The following MGAT4B variants were observed in gnomAD, a reference collection of about 807,000 sequenced individuals.
MGAT4B encodes alpha-1,3-mannosyl-glycoprotein 4-beta-N-acetylglucosaminyltransferase B, also known as N-acetylglucosaminyltransferase IVb.
A neutral mutation model predicts 73.9 loss-of-function variants in MGAT4B; 38 were observed. That is an observed-to-expected ratio of 0.51 (90% CI 0.40 to 0.67). The LOEUF (loss-of-function observed/expected upper bound fraction) is 0.67. Among genes scored for constraint, MGAT4B ranks in the 30% least tolerant of loss-of-function variants. The pLI is 0.00. For missense variants in MGAT4B, 686 were observed against 735.2 expected (o/e 0.93, Z 0.77); for synonymous variants, 373 against 313.5 (o/e 1.19, Z -2.01).
At chr5:179,804,147 T>C (rs1757050573) in intron 1 of MGAT4B, among the ~76,000 whole-genome samples, 1 of 152,130 alleles carries the variant, frequency 6.6e-6, no homozygotes, top group Non-Finnish European at 1.5e-5. Flanking sequence ...AAACCACAGT[T>C]CCCCCTGCTT....
At chr5:179,802,563 C>A (rs1407587404) in intron 1 of MGAT4B, 6 of 995,544 alleles carry the variant, frequency 6.0e-6, no homozygotes, top group Non-Finnish European at 7.2e-6. Flanking sequence ...CAAGGACAGT[C>A]AACAGCAGCG....
At chr5:179,800,350 C>T in intron 6 of MGAT4B, 91 bp from the exon 7 acceptor site, 1 of 1,502,028 alleles carries the variant, frequency 6.7e-7, no homozygotes, top group Non-Finnish European at 9.3e-7. Context: ...GCTTCTGTCC[C>T]CCCACCCCCA....
chr5:179,802,200 C>G, intron 1 of MGAT4B: 1 of 1,481,860 alleles, frequency 6.7e-7, no homozygotes, highest in South Asian at 1.4e-5. Flanking sequence ...TCTCCCCCAC[C>G]GGGGGTTATT....
chr5:179,801,500 G>A lies in MGAT4B; in HGVS notation c.425-33C>T. 1 of 1,603,636 alleles carries A rather than the reference G, an allele frequency of 6.2e-7. No individual in the cohort carries two copies. The highest frequency in any genetic ancestry group is 8.5e-7 in the Non-Finnish European group (1 of 1,173,278). On this transcript the variant is annotated intron_variant, in intron 3 of 14. Coordinates refer to ENST00000292591, the MANE Select transcript of MGAT4B (RefSeq NM_014275.5). This position sits in a 1 kb window ranked among gnomAD's most constrained non-coding sequence, Gnocchi z 4.8. Reference sequence around the variant, plus strand: ...GGACGGAGGCCCGACGCTGGAAAGGGTGCGGGGGCCACCCGTCCCCCCACC... The same window carrying A: ...GGACGGAGGCCCGACGCTGGAAAGGATGCGGGGGCCACCCGTCCCCCCACC...
chr5:179,799,168 A>T (rs371137796), intron 10 of MGAT4B, 35 bp downstream of exon 10: 2 of 1,613,830 alleles, frequency 1.2e-6, no homozygotes, highest in African/African-American at 2.7e-5. Flanking sequence ...CCCGACCTTG[A>T]TCCCGGCCTA....
intron 1 of MGAT4B, chr5:179,802,191 C>T: frequency 6.7e-7 from 1 of 1,489,596 alleles, no homozygotes; most frequent in Non-Finnish European, 8.9e-7. Context: ...TTCCAGTACT[C>T]TCCCCCACCG....
chr5:179,802,023 G>T, intron 1 of MGAT4B, 54 bp from the exon 2 acceptor site: 1 of 1,612,676 alleles, frequency 6.2e-7, no homozygotes, highest in Non-Finnish European at 8.5e-7. Context: ...CACCCTACGG[G>T]CCCCTCCAGT....
rs543273437 is a variant in MGAT4B, at chr5:179,799,969, G to A, written c.895C>T (p.Gln299Ter). The change falls in exon 8 of 15, where the codon CAG becomes TAG. Residue 299 changes from glutamine to a stop codon, truncating the protein, a stop_gained. Coordinates refer to ENST00000292591, the MANE Select transcript of MGAT4B (RefSeq NM_014275.5). LOFTEE classifies it high-confidence loss of function. ...AGGGGCACACCAATGAAGCCCAGCT[G>A]GGAGAACTCCAGGATCATCCAGTCC... ...SEDWMILEFS[Q>*]LGFIGKMFKS... The A allele has an allele frequency of 3.1e-6, 5 of 1,613,748 alleles. No homozygotes were observed. The highest frequency in any genetic ancestry group is 1.7e-5 in the Admixed American group (1 of 60,026).
intron 1 of MGAT4B, chr5:179,803,501 G>C (rs1051933231): frequency 2.0e-5 from 3 of 153,550 alleles, no homozygotes; most frequent in African/African-American, 7.2e-5. Flanking sequence ...TCAGGAATGG[G>C]TTCAGAGCCA....
chr5:179,806,466 C>G lies in MGAT4B; in HGVS notation c.97+21G>C. 1.6e-6 allele frequency: 2 copies of G among 1,254,544 alleles called. No individual in the cohort carries two copies. Among genetic ancestry groups the G allele is most frequent in the East Asian group, 4.9e-5 (1 of 20,574 alleles). 77.7% of individuals were successfully genotyped at this position (1,254,544 alleles called of 1,614,324 possible). On this transcript the variant is annotated intron_variant, in intron 1 of 14. Transcript: ENST00000292591. The surrounding 1 kb of genome is among the most constrained non-coding windows in gnomAD (Gnocchi z 4.6). Reference sequence around the variant, plus strand: ...GACGCCCAGGTGCGCCAGGTGCGGGCCGGGCGGGGGTCGCGCTCACCTTTC... The same window carrying G: ...GACGCCCAGGTGCGCCAGGTGCGGGGCGGGCGGGGGTCGCGCTCACCTTTC...
rs142696567 is a variant in MGAT4B, at chr5:179,800,616, T to C, written c.606-19A>G. The stretch of plus-strand genomic sequence containing the variant: ...GGGGAACCTGGGGGACGGGAAGGCC[T>C]AGTCCGTATGCAGCCTCCAGGGGCT... On this transcript the variant is annotated intron_variant, in intron 5 of 14. Transcript: ENST00000292591. The C allele has an allele frequency of 1.2e-3, 1,817 of 1,528,692 alleles. 19 individuals are homozygous for C. In the African/African-American group the frequency reaches 0.022, roughly 18 times the overall value. 94.7% of individuals were successfully genotyped at this position (1,528,692 alleles called of 1,614,324 possible).
chr5:179,801,342 T>G lies in MGAT4B; in HGVS notation c.550A>C (p.Ile184Leu). The change falls in exon 4 of 15, where the codon ATC becomes CTC. Residue 184 changes from isoleucine (I) to leucine (L), a missense_variant. Coordinates refer to ENST00000292591, the MANE Select transcript of MGAT4B (RefSeq NM_014275.5). The surrounding 1 kb of genome is among the most constrained non-coding windows in gnomAD (Gnocchi z 4.8). ...CGTCCCGGCTCACTCGCCTCGGCGATCAGCACCACGATGACCGAGTCCTCC... is the reference window on the plus strand; with the variant it reads ...CGTCCCGGCTCACTCGCCTCGGCGAGCAGCACCACGATGACCGAGTCCTCC... ...EKEDSVIVVL[I>L]AETDSQYTSA... is the part of the protein sequence containing the mutation. 1 of 1,609,624 alleles carries G rather than the reference T, an allele frequency of 6.2e-7. No individual in the cohort carries two copies. The highest frequency in any genetic ancestry group is 8.5e-7 in the Non-Finnish European group (1 of 1,177,522).
Position 179,800,926 on chromosome 5 carries a change from T to C in MGAT4B, c.586A>G (p.Thr196Ala), listed in dbSNP as rs1193237687. ...ACTCACAAGGCCTTGATGTTCTCTG[T>C]CACTGCCGAAGTGTACTGTGAGTCA... is the stretch of plus-strand genomic sequence containing the variant. ...ETDSQYTSAV[T>A]ENIKALFPTE... Residue 196 changes from threonine (T) to alanine (A), a missense_variant, in exon 5 of 15, where the codon ACA becomes GCA. Transcript: ENST00000292591. 3 of 1,613,756 alleles carry C rather than the reference T, an allele frequency of 1.9e-6. No individual in the cohort carries two copies. In the East Asian group the frequency reaches 6.7e-5, roughly 36 times the overall value.
Position 179,806,536 on chromosome 5 carries a change from C to G in MGAT4B, c.48G>C (p.Leu16=). ...ACCAGGACAGCGAGAGGAAGGCGCA[C>G]AGGCAGAAGAGCAGCAGCGTCAGGA... ...GTFLTLLLFC[L]CAFLSLSWYA... The change falls in exon 1 of 15, where the codon CTG becomes CTC. Residue 16 remains leucine, a synonymous_variant. Coordinates refer to ENST00000292591, the MANE Select transcript of MGAT4B (RefSeq NM_014275.5). This position sits in a 1 kb window ranked among gnomAD's most constrained non-coding sequence, Gnocchi z 4.6. 1 of 1,337,222 alleles carries G rather than the reference C, an allele frequency of 7.5e-7. No individual in the cohort carries two copies. The highest frequency in any genetic ancestry group is 9.8e-7 in the Non-Finnish European group (1 of 1,018,600). 82.8% of individuals were successfully genotyped at this position (1,337,222 alleles called of 1,614,324 possible).
Position 179,806,639 on chromosome 5 carries a change from C to A in MGAT4B, c.-56G>T, listed in dbSNP as rs1397581801. Reference sequence around the variant, plus strand: ...GCCGAGGCTGCATGGCCCGGGGGACCGGGGCCGGGGCGCAGGGGTCGGAAG... The same window carrying A: ...GCCGAGGCTGCATGGCCCGGGGGACAGGGGCCGGGGCGCAGGGGTCGGAAG... On this transcript the variant is annotated 5_prime_UTR_variant, in exon 1 of 15. Transcript: ENST00000292591. This position sits in a 1 kb window ranked among gnomAD's most constrained non-coding sequence, Gnocchi z 4.6. 4.2e-6 allele frequency: 4 copies of A among 959,964 alleles called. No homozygotes were observed. Among genetic ancestry groups the A allele is most frequent in the Non-Finnish European group, 5.1e-6 (4 of 784,626 alleles). 59.5% of individuals were successfully genotyped at this position (959,964 alleles called of 1,614,324 possible). A position where few individuals can be genotyped will look rare whatever the true frequency, so the allele number is the denominator to read the frequency against.
chr5:179,806,626 T>A lies in MGAT4B; in HGVS notation c.-43A>T. ...GGGCGCCCGCGGGGCCGAGGCTGCA[T>A]GGCCCGGGGGACCGGGGCCGGGGCG... On this transcript the variant is annotated 5_prime_UTR_variant, in exon 1 of 15. An upstream start codon of the reference 5' UTR is lost. Transcript: ENST00000292591. The surrounding 1 kb of genome is among the most constrained non-coding windows in gnomAD (Gnocchi z 4.6). 1 of 1,097,060 alleles carries A rather than the reference T, an allele frequency of 9.1e-7. No individual in the cohort carries two copies. Among genetic ancestry groups the A allele is most frequent in the Non-Finnish European group, 1.2e-6 (1 of 866,412 alleles). The allele number at this position is 1,097,060 out of a possible 1,614,324, so 68.0% of individuals were successfully genotyped here.
In MGAT4B at chr5:179,801,457, C is replaced by T. The variant is rs780363071; in HGVS notation, c.435G>A (p.Val145=). 1.9e-6 allele frequency: 3 copies of T among 1,606,554 alleles called. No homozygotes were observed. Among genetic ancestry groups the T allele is most frequent in the Non-Finnish European group, 2.6e-6 (3 of 1,175,168 alleles). Residue 145 remains valine, a synonymous_variant, in exon 4 of 15, where the codon GTG becomes GTA. Coordinates refer to ENST00000292591, the MANE Select transcript of MGAT4B (RefSeq NM_014275.5). The surrounding 1 kb of genome is among the most constrained non-coding windows in gnomAD (Gnocchi z 4.8). ...CGCGCCGCACGCTCGGGATGCCCATCACCACCGACACTATGGGGGACGGAG... is the reference window on the plus strand; with the variant it reads ...CGCGCCGCACGCTCGGGATGCCCATTACCACCGACACTATGGGGGACGGAG... ...VGQGRTGVSV[V]MGIPSVRREV...
Position 179,800,031 on chromosome 5 carries a change from C to T in MGAT4B, c.833G>A (p.Ser278Asn), listed in dbSNP as rs757581409. The T allele has an allele frequency of 7.4e-6, 12 of 1,614,054 alleles. No individual in the cohort carries two copies. The highest frequency in any genetic ancestry group is 1.7e-5 in the Admixed American group (1 of 60,028). ...DDIVAKPNYL[S>N]TMKNFALQQP... ...CTGCAGTGCAAAGTTCTTCATGGTG[C>T]TCAGGTAGTTGGGCTTGGCCACGAT... The change falls in exon 8 of 15, where the codon AGC becomes AAC. Residue 278 changes from serine to asparagine, a missense_variant. By Grantham distance (46) the Ser-to-Asn change is conservative (BLOSUM62 1). This residue lies in a region of MGAT4B where 449 missense variants were observed against 536.8 expected (regional missense o/e 0.84). Transcript: ENST00000292591.
At chr5:179,802,638 C>G (rs1302234254) in intron 1 of MGAT4B, 7 of 987,248 alleles carry the variant, frequency 7.1e-6, no homozygotes, top group Non-Finnish European at 8.4e-6. Flanking sequence ...CCTGGGGCAC[C>G]CTGAAGGGTC....
Sources: allele counts gnomAD v4.1 joint callset (sites outside exome capture counted in the v4.1 genomes callset), GRCh38; gene constraint gnomAD v4.1.1; regional missense constraint gnomAD v4.1.1; non-coding constraint Gnocchi (gnomAD v3.1); transcripts MANE v1.5; gene names NCBI Gene and HGNC (gene_info 2026-07-23, HGNC 2026-07-21).